The following RBFOX2 variants were observed in gnomAD, a reference collection of about 807,000 sequenced individuals.
RBFOX2 encodes the protein RNA binding fox-1 homolog 2.
A neutral mutation model predicts 49.1 loss-of-function variants in RBFOX2; 10 were observed. The observed-to-expected ratio is 0.20, with a 90% CI of 0.13 to 0.35. The LOEUF (loss-of-function observed/expected upper bound fraction) is 0.35, where lower values mean the gene tolerates loss of function less well. Among genes scored for constraint, RBFOX2 ranks in the 10% least tolerant of loss-of-function variants. RBFOX2 has a pLI of 1.00. For missense variants in RBFOX2, 323 were observed against 486.9 expected (o/e 0.66, Z 3.17); for synonymous variants, 183 against 187.4 (o/e 0.98, Z 0.19).
At chr22:35,876,950 C>T (rs1474311724) in intron 1 of RBFOX2, among the ~76,000 whole-genome samples, 1 of 152,198 alleles carries the variant, frequency 6.6e-6, no homozygotes, top group Non-Finnish European at 1.5e-5. Flanking sequence ...CCCAGATCAC[C>T]TTGCACGTTG....
At chr22:35,837,041 A>T (rs1443550367) in intron 1 of RBFOX2, among the ~76,000 whole-genome samples, 2 of 152,358 alleles carry the variant, frequency 1.3e-5, no homozygotes, top group East Asian at 3.9e-4. Context: ...GTATCACATA[A>T]GCATGTCTAT....
At chr22:35,965,761 T>C (rs554069956), upstream of RBFOX2, among the ~76,000 whole-genome samples, 161 of 152,208 alleles carry the variant, frequency 1.1e-3, no homozygotes, top group Non-Finnish European at 2.1e-3. Context: ...AACACAAAAA[T>C]GTATGTGCAC....
intron 9 of RBFOX2, among the ~76,000 whole-genome samples, chr22:35,755,545 T>C (rs773804952): frequency 2.0e-5 from 3 of 152,176 alleles, no homozygotes; most frequent in Admixed American, 6.5e-5. Flanking sequence ...ACACACTCTT[T>C]GCTGGCATCG....
chr22:35,965,619 A>C (rs1396034650), upstream of RBFOX2, among the ~76,000 whole-genome samples: 1 of 152,202 alleles, frequency 6.6e-6, no homozygotes, highest in African/African-American at 2.4e-5. Context: ...TAGTTTAAAA[A>C]GTGGTCAATG....
At chr22:35,765,349 A>G in intron 6 of RBFOX2, 74 bp downstream of exon 7, 1 of 1,076,606 alleles carries the variant, frequency 9.3e-7, no homozygotes. Flanking sequence ...AAATAAAGAC[A>G]TTCTTAGAAG....
At chr22:35,960,103 G>A (rs963275065) in intron 1 of RBFOX2, among the ~76,000 whole-genome samples, 1 of 152,190 alleles carries the variant, frequency 6.6e-6, no homozygotes, top group African/African-American at 2.4e-5. Context: ...CAACTGTACA[G>A]AACAGGGACT....
intron 2 of RBFOX2, among the ~76,000 whole-genome samples, chr22:35,804,321 G>A (rs903276598): frequency 5.3e-5 from 8 of 151,124 alleles, no homozygotes; most frequent in African/African-American, 1.9e-4. Flanking sequence ...CAGGAAGAGA[G>A]AAGAAAGGAA....
At chr22:35,960,371 G>C (rs577320650) in intron 1 of RBFOX2, among the ~76,000 whole-genome samples, 2 of 152,266 alleles carry the variant, frequency 1.3e-5, no homozygotes, top group East Asian at 3.9e-4. Flanking sequence ...GTGAACTGCA[G>C]AACAGGGGTT....
chr22:35,866,323 A>G (rs1475818569), intron 1 of RBFOX2, among the ~76,000 whole-genome samples: 4 of 152,226 alleles, frequency 2.6e-5, no homozygotes, highest in Non-Finnish European at 4.4e-5. Flanking sequence ...CATAATATAT[A>G]CGCCATTTTT....
At chr22:35,801,871 T>A (rs901960126) in intron 2 of RBFOX2, among the ~76,000 whole-genome samples, 9 of 152,142 alleles carry the variant, frequency 5.9e-5, no homozygotes, top group Non-Finnish European at 7.4e-5. Flanking sequence ...AAAAAAAGCA[T>A]CTTTCAACCA....
chr22:35,822,887 C>G (rs1383707242), intron 1 of RBFOX2: 5 of 406,372 alleles, frequency 1.2e-5, no homozygotes, highest in East Asian at 7.5e-5. Flanking sequence ...TGCAGTGGCA[C>G]AATCCTAGCT....
intron 1 of RBFOX2, among the ~76,000 whole-genome samples, chr22:35,832,885 A>G (rs1957048936): frequency 6.6e-6 from 1 of 152,186 alleles, no homozygotes; most frequent in African/African-American, 2.4e-5. Context: ...TCAACAGCAC[A>G]GTGACTATAG....
chr22:36,017,912 TTCAGAG>T (rs2059105122), intron 1 of RBFOX2, among the ~76,000 whole-genome samples: 2 of 152,198 alleles, frequency 1.3e-5, no homozygotes, highest in Admixed American at 6.5e-5. Flanking sequence ...AGCTTCTGTT[TTCAGAG>T]ACCCCTCTCT....
chr22:35,757,039 T>A (rs1480959839), intron 9 of RBFOX2, among the ~76,000 whole-genome samples: 1 of 152,098 alleles, frequency 6.6e-6, no homozygotes, highest in African/African-American at 2.4e-5. Flanking sequence ...AGGGTTCTTT[T>A]TTGACTATAA....
chr22:35,834,118 G>C (rs892309813), intron 1 of RBFOX2, among the ~76,000 whole-genome samples: 1 of 152,070 alleles, frequency 6.6e-6, no homozygotes, highest in African/African-American at 2.4e-5. Flanking sequence ...TACCTACAAG[G>C]GGCATTAGAG....
intron 1 of RBFOX2, among the ~76,000 whole-genome samples, chr22:35,931,331 AAAG>A (rs1313499270): frequency 2.0e-5 from 3 of 151,950 alleles, no homozygotes; most frequent in Admixed American, 1.3e-4. Flanking sequence ...AAAAAAAAAA[AAAG>A]AGGATCAGAA....
chr22:36,001,780 C>T (rs930254577), intron 1 of RBFOX2, among the ~76,000 whole-genome samples: 5 of 149,642 alleles, frequency 3.3e-5, no homozygotes, highest in African/African-American at 9.9e-5. Context: ...AAAAACAGGC[C>T]GGGCCAGACG....
intron 2 of RBFOX2, among the ~76,000 whole-genome samples, chr22:35,789,107 C>T (rs1335605562): frequency 6.6e-6 from 1 of 151,948 alleles, no homozygotes; most frequent in Non-Finnish European, 1.5e-5. Flanking sequence ...AATGTAATAC[C>T]CACCCCTCAT....
intron 1 of RBFOX2, among the ~76,000 whole-genome samples, chr22:36,016,952 A>C (rs1164509618): frequency 2.0e-5 from 3 of 152,222 alleles, no homozygotes; most frequent in Non-Finnish European, 4.4e-5. Context: ...GGCCAGAGGC[A>C]CTATGAAGTA....
Sources: gnomAD v4.1 joint callset for allele counts (sites outside exome capture counted in the v4.1 genomes callset) on GRCh38, gnomAD v4.1.1 for gene constraint, MANE v1.5 for transcripts, NCBI Gene and HGNC (gene_info 2026-07-23, HGNC 2026-07-21) for gene names.